Variants in PCDHGA9 observed in about 807,000 individuals in gnomAD.
PCDHGA9 encodes protocadherin gamma subfamily A, 9.
PCDHGA9 carries 37 observed loss-of-function variants against 62.5 expected under a neutral mutation model. The observed-to-expected ratio is 0.59, with a 90% confidence interval of 0.46 to 0.78. The LOEUF is 0.78. PCDHGA9 is among the 30% of genes least tolerant of loss of function. The pLI is 0.00. For missense variants in PCDHGA9, 1,138 were observed against 1,166.2 expected, an observed-to-expected ratio of 0.98 and a Z score of 0.35; for synonymous variants, 459 against 484.6, an observed-to-expected ratio of 0.95 and a Z score of 0.69.
chr5:141,494,901 G>C, intron 2 of PCDHGA9, 36 bp downstream of exon 2: 1 of 1,614,050 alleles, frequency 6.2e-7, no homozygotes, highest in Non-Finnish European at 8.5e-7. Context: ...CCTCTTCTCT[G>C]CGGCATTTTC....
chr5:141,485,663 A>G lies in PCDHGA9; in HGVS notation c.2425-9144A>G, dbSNP rs1594506698. ...AAAGGCTCAGGATGCAGATGTGGGG[A>G]GCAATTCGATTAGCAGCTATAGGCT... On this transcript the variant is annotated intron_variant, in intron 1 of 3. Transcript: ENST00000573521. The surrounding 1 kb of genome is among the most constrained non-coding windows in gnomAD (Gnocchi z 5.7). The G allele has an allele frequency of 1.2e-6, 2 of 1,612,638 alleles. No homozygotes were observed. Among genetic ancestry groups the G allele is most frequent in the East Asian group, 4.5e-5 (2 of 44,840 alleles).
intron 1 of PCDHGA9, chr5:141,430,838 G>A (rs866767896): frequency 2.6e-6 from 4 of 1,562,908 alleles, no homozygotes; most frequent in Non-Finnish European, 3.5e-6. Context: ...GTGGGAGACC[G>A]GATGCACCCA....
intron 1 of PCDHGA9, among the ~76,000 whole-genome samples, chr5:141,444,000 A>T (rs2098413157): frequency 6.6e-6 from 1 of 152,070 alleles, no homozygotes; most frequent in African/African-American, 2.4e-5. Context: ...TTTAAATGCT[A>T]CCTGGGTATT....
chr5:141,438,599 T>C (rs1320902737), intron 1 of PCDHGA9, among the ~76,000 whole-genome samples: 17 of 32,510 alleles, frequency 5.2e-4, no homozygotes, highest in African/African-American at 6.7e-4. Flanking sequence ...TACATATATA[T>C]ATATATATAT....
At chr5:141,423,563 C>G (rs745802952) in intron 1 of PCDHGA9, 3 of 1,613,550 alleles carry the variant, frequency 1.9e-6, no homozygotes, top group Admixed American at 1.7e-5. Flanking sequence ...TATGGGGACA[C>G]GCTCATCAGC....
chr5:141,408,643 C>G (rs751905674), intron 1 of PCDHGA9: 2 of 1,613,910 alleles, frequency 1.2e-6, no homozygotes, highest in Admixed American at 1.7e-5. Context: ...AATCTGCATC[C>G]GCTGGTACAC....
At chr5:141,454,620 G>T (rs1028840158) in intron 1 of PCDHGA9, among the ~76,000 whole-genome samples, 1 of 151,520 alleles carries the variant, frequency 6.6e-6, no homozygotes, top group East Asian at 1.9e-4. Flanking sequence ...TGGTCAGGCT[G>T]GTCTCGAACC....
At chr5:141,495,277 G>A (rs2099760037) in intron 2 of PCDHGA9, among the ~76,000 whole-genome samples, 1 of 152,168 alleles carries the variant, frequency 6.6e-6, no homozygotes, top group African/African-American at 2.4e-5. Context: ...ACCGGAGGAG[G>A]CGGTCCGCAC....
Position 141,489,363 on chromosome 5 carries a change from G to A in PCDHGA9, c.2425-5444G>A, listed in dbSNP as rs767837736. On this transcript the variant is annotated intron_variant, in intron 1 of 3. Transcript: ENST00000573521. This position sits in a 1 kb window ranked among gnomAD's most constrained non-coding sequence, Gnocchi z 4.5. ...ACTCAGTGGTGGAGGAGTCTGAGCC[G>A]GGGACGCTGGTGGGGAATGTTGCTC... 46 of 1,613,114 alleles carry A rather than the reference G, an allele frequency of 2.9e-5. 1 individual carries two copies. In the South Asian group the frequency reaches 3.4e-4, roughly 12 times the overall value.
chr5:141,431,354 G>C lies in PCDHGA9; in HGVS notation c.2424+25978G>C. 6.2e-7 allele frequency: 1 copy of C among 1,614,036 alleles called. No individual in the cohort carries two copies. Among genetic ancestry groups the C allele is most frequent in the Non-Finnish European group, 8.5e-7 (1 of 1,180,038 alleles). ...GTACCCCGAATTGGTGCTGAAACGC[G>C]CCCTGGACCGCGAAGAAAAGGCTGC... On this transcript the variant is annotated intron_variant, in intron 1 of 3. Transcript: ENST00000573521. This position sits in a 1 kb window ranked among gnomAD's most constrained non-coding sequence, Gnocchi z 4.8.
intron 1 of PCDHGA9, chr5:141,409,268 A>G (rs753457286): frequency 1.5e-5 from 24 of 1,613,896 alleles, no homozygotes; most frequent in Non-Finnish European, 2.0e-5. Context: ...CTCTGATCAG[A>G]TTTTGGAGAA....
intron 1 of PCDHGA9, among the ~76,000 whole-genome samples, chr5:141,443,034 A>T (rs368996869): frequency 2.0e-5 from 3 of 152,172 alleles, no homozygotes; most frequent in East Asian, 3.8e-4. Context: ...CCAGACCTAA[A>T]CTTTGAAAAT....
In PCDHGA9 at chr5:141,404,908, C is replaced by T; in HGVS notation, c.1956C>T (p.Pro652=). The change falls in exon 1 of 4, where the codon CCC becomes CCT. Residue 652 remains proline (P), a synonymous_variant. Transcript: ENST00000573521. The part of the protein sequence containing the change: ...LVVAVQDHGQ[P]PLSATVTLTV... ...TGGCTGTACAGGACCATGGCCAGCC[C>T]CCTCTCTCGGCCACTGTCACGCTCA... The T allele has an allele frequency of 6.2e-7, 1 of 1,613,882 alleles. No homozygotes were observed. The highest frequency in any genetic ancestry group is 8.5e-7 in the Non-Finnish European group (1 of 1,179,854).
intron 1 of PCDHGA9, among the ~76,000 whole-genome samples, chr5:141,482,828 T>G (rs1274498876): frequency 4.4e-5 from 6 of 135,272 alleles, no homozygotes; most frequent in Non-Finnish European, 9.5e-5. Flanking sequence ...TCCTAGCACT[T>G]TGGGAGGCCA....
chr5:141,478,553 T>C, intron 1 of PCDHGA9: 1 of 1,602,704 alleles, frequency 6.2e-7, no homozygotes. Context: ...ACAGGTAAGG[T>C]TTAGCAAGTC....
In PCDHGA9 at chr5:141,477,857, C is replaced by A. The variant is rs548674958; in HGVS notation, c.2425-16950C>A. On this transcript the variant is annotated intron_variant, in intron 1 of 3. Transcript: ENST00000573521. The surrounding 1 kb of genome is among the most constrained non-coding windows in gnomAD (Gnocchi z 4.9). ...AGGTGGGAGCTCGGTGGAGATGCTG[C>A]CTCGAGGTACCTCAGCTGGCCACCT... 2.9e-5 allele frequency: 47 copies of A among 1,613,454 alleles called. No individual in the cohort carries two copies. In the South Asian group the frequency reaches 4.9e-4, roughly 17 times the overall value.
intron 1 of PCDHGA9, chr5:141,478,866 C>T (rs1392885307): frequency 1.5e-6 from 2 of 1,304,352 alleles, no homozygotes; most frequent in Non-Finnish European, 2.0e-6. Flanking sequence ...TCTCAGCGAT[C>T]AGAGTTTAGC....
At chr5:141,435,503 A>G (rs2097767522) in intron 1 of PCDHGA9, among the ~76,000 whole-genome samples, 1 of 152,170 alleles carries the variant, frequency 6.6e-6, no homozygotes, top group Non-Finnish European at 1.5e-5. Context: ...TACACTAATG[A>G]TACTAATGAT....
chr5:141,426,848 C>T (rs1379697529), intron 1 of PCDHGA9: 3 of 456,552 alleles, frequency 6.6e-6, no homozygotes, highest in Admixed American at 4.7e-5. Context: ...AAGGCAAGAA[C>T]GCTCCAGAAT....
Sources: gnomAD v4.1 joint callset for allele counts (sites outside exome capture counted in the v4.1 genomes callset) on GRCh38, gnomAD v4.1.1 for gene constraint, Gnocchi (gnomAD v3.1) non-coding constraint, MANE v1.5 for transcripts, NCBI Gene and HGNC (gene_info 2026-07-23, HGNC 2026-07-21) for gene names.